TNRC6B: variants seen among roughly 807,000 people sequenced by gnomAD.
TNRC6B encodes trinucleotide repeat-containing gene 6B protein.
In TNRC6B, 52 loss-of-function variants were observed where a neutral mutation model predicts 203.6. The observed-to-expected ratio is 0.26, with a 90% CI of 0.20 to 0.32. The LOEUF (loss-of-function observed/expected upper bound fraction) is 0.32, where lower values mean the gene tolerates loss of function less well. Among genes scored for constraint, TNRC6B ranks in the 10% least tolerant of loss-of-function variants. TNRC6B has a pLI of 1.00. For missense variants in TNRC6B, 1,923 were observed against 2,286.2 expected (o/e 0.84, Z 3.24); for synonymous variants, 838 against 845.7 (o/e 0.99, Z 0.16).
At chr22:40,262,534 C>G (rs2070402725) in intron 4 of TNRC6B, among the ~76,000 whole-genome samples, 1 of 152,026 alleles carries the variant, frequency 6.6e-6, no homozygotes. Flanking sequence ...TCTTTAGATG[C>G]CTGTGTTATG....
intron 1 of TNRC6B, among the ~76,000 whole-genome samples, chr22:40,189,498 CAAAA>C (rs56029573): frequency 7.1e-5 from 8 of 112,246 alleles, no homozygotes; most frequent in Admixed American, 1.0e-4. Flanking sequence ...TTTGTCTGCC[CAAAA>C]AAAAAAAAAA....
At chr22:40,131,579 A>G (rs529872410) in intron 3 of TNRC6B, among the ~76,000 whole-genome samples, 5 of 152,148 alleles carry the variant, frequency 3.3e-5, no homozygotes, top group African/African-American at 9.6e-5. Flanking sequence ...TTGAGCACCT[A>G]CTGTGTGCTA....
At chr22:40,282,930 C>G (rs932126250) in intron 11 of TNRC6B, among the ~76,000 whole-genome samples, 7 of 152,122 alleles carry the variant, frequency 4.6e-5, no homozygotes, top group African/African-American at 1.7e-4. Flanking sequence ...TTGTAAAAGC[C>G]TCTTGTACAA....
At chr22:40,050,093 A>G (rs939442409) in intron 1 of TNRC6B, among the ~76,000 whole-genome samples, 2 of 152,002 alleles carry the variant, frequency 1.3e-5, no homozygotes, top group African/African-American at 4.8e-5. Flanking sequence ...TTGGAGGGCC[A>G]TATAATAAAC....
At chr22:40,142,717 A>G (rs2068655502) in intron 3 of TNRC6B, among the ~76,000 whole-genome samples, 2 of 152,158 alleles carry the variant, frequency 1.3e-5, no homozygotes, top group South Asian at 4.1e-4. Context: ...AGTCAAGCAC[A>G]TTGTCCATAC....
chr22:40,251,065 A>T, intron 2 of TNRC6B, 114 bp from the exon 3 acceptor site: 1 of 772,266 alleles, frequency 1.3e-6, no homozygotes, highest in Non-Finnish European at 1.9e-6. Context: ...GATTTCAGCT[A>T]TGCCTGTGTG....
chr22:40,163,442 A>G (rs1458104080), intron 4 of TNRC6B, among the ~76,000 whole-genome samples: 1 of 126,448 alleles, frequency 7.9e-6, no homozygotes, highest in African/African-American at 3.0e-5. Context: ...AGATGACAGA[A>G]TGAGACCCTG....
chr22:40,322,819 G>A (rs966552862), intron 22 of TNRC6B, 35 bp from the exon 23 acceptor site: 1 of 1,612,182 alleles, frequency 6.2e-7, no homozygotes, highest in Non-Finnish European at 8.5e-7. Flanking sequence ...GGATTTTCCT[G>A]AGATCCATAG....
chr22:40,151,873 A>AG (rs2068760184), intron 3 of TNRC6B, among the ~76,000 whole-genome samples: 1 of 76,994 alleles, frequency 1.3e-5, no homozygotes, highest in African/African-American at 1.4e-4. Flanking sequence ...AAGAAGAAAG[A>AG]AAGAAAGAAG....
At chr22:40,224,845 C>G (rs1330384404) in intron 1 of TNRC6B, among the ~76,000 whole-genome samples, 1 of 152,216 alleles carries the variant, frequency 6.6e-6, no homozygotes, top group Admixed American at 6.5e-5. Flanking sequence ...AGTGCCTTCT[C>G]CGGGCGCCGT....
Position 40,288,970 on chromosome 22 carries a change from C to T in TNRC6B, c.3708+3200C>T, listed in dbSNP as rs112214319. On this transcript the variant is annotated intron_variant, in intron 12 of 22. Transcript: ENST00000454349. ...CTAGGATTACAAGCATGCGCCACCA[C>T]GCCTGGCTAATTTTTGTATTTTTAG... Among the ~76,000 whole-genome samples the T allele has an allele frequency of 9.9e-5, 15 of 150,940 alleles. 1 individual carries two copies. Among genetic ancestry groups the T allele is most frequent in the African/African-American group, 3.7e-4 (15 of 41,052 alleles).
At chr22:40,075,323 A>G (rs1013936169) in intron 1 of TNRC6B, among the ~76,000 whole-genome samples, 4 of 151,228 alleles carry the variant, frequency 2.6e-5, no homozygotes, top group African/African-American at 7.3e-5. Context: ...AACTATGTGT[A>G]TATACACATT....
chr22:40,192,245 T>C (rs1001593101), intron 1 of TNRC6B, among the ~76,000 whole-genome samples: 43 of 152,190 alleles, frequency 2.8e-4, no homozygotes, highest in African/African-American at 1.0e-3. Flanking sequence ...ATTTTCATGT[T>C]AAGGATCCGG....
At chr22:40,272,764 TC>T (rs565314283) in intron 6 of TNRC6B, among the ~76,000 whole-genome samples, 4 of 152,226 alleles carry the variant, frequency 2.6e-5, no homozygotes, top group Non-Finnish European at 5.9e-5. Flanking sequence ...TCACATTTTT[TC>T]CTTCTGTCTT....
At chr22:40,293,683 C>T (rs2070899459) in intron 12 of TNRC6B, among the ~76,000 whole-genome samples, 2 of 152,060 alleles carry the variant, frequency 1.3e-5, no homozygotes, top group African/African-American at 4.8e-5. Flanking sequence ...GTCTCCCATG[C>T]TTGCTCCTTG....
At chr22:40,075,752 G>C (rs1343911128) in intron 1 of TNRC6B, among the ~76,000 whole-genome samples, 1 of 151,724 alleles carries the variant, frequency 6.6e-6, no homozygotes, top group Non-Finnish European at 1.5e-5. Context: ...CATCTCCTCT[G>C]TTAGCTATAA....
intron 1 of TNRC6B, among the ~76,000 whole-genome samples, chr22:40,114,669 G>A (rs921973406): frequency 2.6e-5 from 4 of 152,094 alleles, no homozygotes; most frequent in Non-Finnish European, 5.9e-5. Context: ...AGCAGGACCT[G>A]GGGATTGATT....
chr22:40,077,625 C>G (rs2068028414), intron 1 of TNRC6B, among the ~76,000 whole-genome samples: 1 of 152,094 alleles, frequency 6.6e-6, no homozygotes, highest in African/African-American at 2.4e-5. Flanking sequence ...GACTTGAATA[C>G]AGGTATCTTT....
rs568063097 is a variant in TNRC6B at position 40,163,480 on chromosome 22, A to AAAAAAAAAAAAC, written c.113+7298_113+7299insAAAAAAAAAAAC. ...TCAAAAAAAAAAAAAAAAAAAAAAAAGGCCAGGCACGGTGGCTCACGCCTG... is the reference window on the plus strand; with the variant it reads ...TCAAAAAAAAAAAAAAAAAAAAAAAAAAAAAAAAAAACGGCCAGGCACGGTGGCTCACGCCTG... On this transcript the variant is annotated intron_variant, in intron 4 of 23. Transcript: ENST00000301923. Among the ~76,000 whole-genome samples, 2 of 66,206 alleles carry AAAAAAAAAAAAC rather than the reference A, an allele frequency of 3.0e-5. 1 individual carries two copies. Among genetic ancestry groups the AAAAAAAAAAAAC allele is most frequent in the Non-Finnish European group, 5.7e-5 (2 of 35,328 alleles). The allele number at this position is 66,206 out of a possible 152,430, so 43.4% of individuals were successfully genotyped here. A position where few individuals can be genotyped will look rare whatever the true frequency, so the allele number is the denominator to read the frequency against.
Sources: allele counts gnomAD v4.1 joint callset (sites outside exome capture counted in the v4.1 genomes callset), GRCh38; gene constraint gnomAD v4.1.1; transcripts MANE v1.5; gene names NCBI Gene and HGNC (gene_info 2026-07-23, HGNC 2026-07-21).